The following PCDHA4 variants were observed in gnomAD, a reference collection of about 807,000 sequenced individuals.
PCDHA4 encodes protocadherin alpha 4.
PCDHA4 carries 49 observed loss-of-function variants against 61.4 expected under a neutral mutation model. The observed-to-expected ratio is 0.80, with a 90% CI of 0.63 to 1.01. The LOEUF (loss-of-function observed/expected upper bound fraction) is 1.01, where lower values mean the gene tolerates loss of function less well. Among genes scored for constraint, PCDHA4 ranks in the 50% least tolerant of loss-of-function variants. PCDHA4 has a pLI of 0.00. For missense variants in PCDHA4, 1,254 were observed against 1,235.8 expected (o/e 1.01, Z -0.22); for synonymous variants, 590 against 550.3 (o/e 1.07, Z -1.01).
At chr5:140,844,694 T>C (rs2150373280) in intron 1 of PCDHA4, among the ~76,000 whole-genome samples, 1 of 149,782 alleles carries the variant, frequency 6.7e-6, no homozygotes, top group Admixed American at 6.7e-5. Context: ...ATACAGAATA[T>C]TTGGGATTAT....
intron 1 of PCDHA4, chr5:140,968,987 T>C: frequency 6.2e-7 from 1 of 1,614,224 alleles, no homozygotes; most frequent in Non-Finnish European, 8.5e-7. Context: ...TGGCACTGCA[T>C]GCTGTGGAGG....
At chr5:140,829,906 G>T (rs2150177512) in intron 1 of PCDHA4, 12 of 1,613,982 alleles carry the variant, frequency 7.4e-6, no homozygotes, top group African/African-American at 1.3e-5. Context: ...GCTACAACGC[G>T]TGGCTTTCGT....
chr5:140,918,660 A>G (rs1490487097), intron 1 of PCDHA4, among the ~76,000 whole-genome samples: 1 of 152,200 alleles, frequency 6.6e-6, no homozygotes, highest in Non-Finnish European at 1.5e-5. Context: ...TCTCATGTTG[A>G]TGGTATGAAG....
At chr5:140,901,022 A>G (rs2068415143) in intron 1 of PCDHA4, among the ~76,000 whole-genome samples, 1 of 152,166 alleles carries the variant, frequency 6.6e-6, no homozygotes, top group Non-Finnish European at 1.5e-5. Flanking sequence ...AGAAACATCT[A>G]TTCAACTCTT....
chr5:140,841,624 G>C, intron 1 of PCDHA4: 1 of 1,614,152 alleles, frequency 6.2e-7, no homozygotes, highest in Non-Finnish European at 8.5e-7. Flanking sequence ...GGAGCGCGGA[G>C]TGCAGCATCC....
chr5:140,807,610 C>T lies in PCDHA4; in HGVS notation c.423C>T (p.Ser141=), dbSNP rs1554124152. The T allele has an allele frequency of 1.2e-6, 2 of 1,614,192 alleles. No individual in the cohort carries two copies. The highest frequency in any genetic ancestry group is 2.2e-5 in the East Asian group (1 of 44,884). ...PVFPATQKNL[S]IAESRPLDSR... ...TCCCAGCAACACAAAAGAACCTGTC[C>T]ATCGCGGAATCCAGGCCGCTTGACT... The change falls in exon 1 of 4, where the codon TCC becomes TCT. Residue 141 remains serine (S), a synonymous_variant. Coordinates refer to ENST00000530339, the MANE Select transcript of PCDHA4 (RefSeq NM_018907.4).
chr5:140,835,556 C>CTG, intron 1 of PCDHA4: 8 of 1,613,914 alleles, frequency 5.0e-6, no homozygotes, highest in African/African-American at 1.3e-5. Flanking sequence ...CCCTGACGCC[C>CTG]CGCGTTCCCT....
At chr5:140,938,508 A>G (rs1563167946) in intron 1 of PCDHA4, among the ~76,000 whole-genome samples, 1 of 152,046 alleles carries the variant, frequency 6.6e-6, no homozygotes, top group African/African-American at 2.4e-5. Context: ...AATTTATCAC[A>G]TATTTTCTGT....
chr5:140,999,480 A>G, intron 3 of PCDHA4, among the ~76,000 whole-genome samples: 1 of 152,176 alleles, frequency 6.6e-6, no homozygotes, highest in East Asian at 1.9e-4. Flanking sequence ...ATTCCAACTC[A>G]AGTCTATGTT....
At position 140,874,324 on chromosome 5, in the gene PCDHA4, C is replaced by A. The variant is rs1369470009; in HGVS notation, c.2385+64752C>A. On this transcript the variant is annotated intron_variant, in intron 1 of 3. Transcript: ENST00000530339. Reference sequence around the variant, plus strand: ...TTCACAATGAGTTGTAGGATCTTATCTGTTTTTTTCTCTTAAAGCTGATCT... The same window carrying A: ...TTCACAATGAGTTGTAGGATCTTATATGTTTTTTTCTCTTAAAGCTGATCT... Among the ~76,000 whole-genome samples the A allele has an allele frequency of 2.6e-5, 4 of 151,652 alleles. No individual in the cohort carries two copies. In the East Asian group the frequency reaches 7.7e-4, roughly 29 times the overall value.
At chr5:141,004,362 C>T (rs1357216048) in intron 3 of PCDHA4, among the ~76,000 whole-genome samples, 1 of 152,186 alleles carries the variant, frequency 6.6e-6, no homozygotes, top group Non-Finnish European at 1.5e-5. Flanking sequence ...AGAGACCACA[C>T]CTTGTTCTGC....
chr5:140,868,978 C>T, intron 1 of PCDHA4: 2 of 1,484,292 alleles, frequency 1.3e-6, no homozygotes, highest in Non-Finnish European at 1.8e-6. Context: ...CTCCATCATA[C>T]CGGATGCCAC....
At chr5:140,875,026 C>T (rs2055229265) in intron 1 of PCDHA4, among the ~76,000 whole-genome samples, 1 of 152,142 alleles carries the variant, frequency 6.6e-6, no homozygotes, top group South Asian at 2.1e-4. Flanking sequence ...TTCTGGCCTA[C>T]TGTATTTGAA....
chr5:140,968,068 C>T (rs1554230278), intron 1 of PCDHA4: 1 of 1,614,024 alleles, frequency 6.2e-7, no homozygotes, highest in East Asian at 2.2e-5. Context: ...GGGTGGCTGT[C>T]TACAACATCA....
Position 140,979,718 on chromosome 5 carries a change from T to C in PCDHA4, c.2444+711T>C, listed in dbSNP as rs372148471. Among the ~76,000 whole-genome samples, 17 of 152,388 alleles carry C rather than the reference T, an allele frequency of 1.1e-4. No homozygotes were observed. The East Asian group carries it at 2.7e-3, about 24-fold the overall frequency. On this transcript the variant is annotated intron_variant, in intron 2 of 3. Transcript: ENST00000530339. ...ATTTCTGGAGGTGATCCAGTATCCA[T>C]GCCATGGGGCCAAATAAAAGATTCA...
rs531946864 is a variant in PCDHA4, at chr5:140,866,396, C to T, written c.2385+56824C>T. 5.3e-5 allele frequency: 8 copies of T among 152,156 alleles called. No individual in the cohort carries two copies. In the East Asian group the frequency reaches 9.6e-4, roughly 18 times the overall value. 9.4% of individuals were successfully genotyped at this position (152,156 alleles called of 1,614,324 possible). A position where few individuals can be genotyped will look rare whatever the true frequency, so the allele number is the denominator to read the frequency against. The stretch of plus-strand genomic sequence containing the variant: ...AATAACAATTTTAAAGACATAGATT[C>T]CCATGAAAATCTTCAAATGTGTGTA... On this transcript the variant is annotated intron_variant, in intron 1 of 3. Transcript: ENST00000530339.
intron 1 of PCDHA4, chr5:140,868,015 G>A (rs1161077691): frequency 6.6e-6 from 1 of 152,028 alleles, no homozygotes; most frequent in African/African-American, 2.4e-5. Flanking sequence ...TTAGATTAAG[G>A]AAACCAATGT....
Position 140,807,918 on chromosome 5 carries a change from G to A in PCDHA4, c.731G>A (p.Arg244Lys). The A allele has an allele frequency of 6.2e-7, 1 of 1,614,094 alleles. No individual in the cohort carries two copies. Among genetic ancestry groups the A allele is most frequent in the Non-Finnish European group, 8.5e-7 (1 of 1,179,972 alleles). The change falls in exon 1 of 4, where the codon AGA (arginine) becomes AAA (lysine). Residue 244 changes from arginine to lysine, a missense_variant. Arg to Lys is a conservative substitution (Grantham distance 26, BLOSUM62 2). Transcript: ENST00000530339. ...DANDNAPAFD[R>K]TIYKVRLLEN... ...AATGACAATGCCCCAGCTTTTGACA[G>A]AACCATTTATAAGGTGAGATTACTA...
At chr5:140,957,189 G>A (rs1376112973) in intron 1 of PCDHA4, among the ~76,000 whole-genome samples, 1 of 152,056 alleles carries the variant, frequency 6.6e-6, no homozygotes. Context: ...ATTGATGACC[G>A]ATTGGGAATA....
Sources: allele counts gnomAD v4.1 joint callset (sites outside exome capture counted in the v4.1 genomes callset), GRCh38; gene constraint gnomAD v4.1.1; transcripts MANE v1.5; gene names NCBI Gene and HGNC (gene_info 2026-07-23, HGNC 2026-07-21).